The following ZMYM3 variants were observed in gnomAD, a reference collection of about 807,000 sequenced individuals.
ZMYM3 encodes the protein zinc finger MYM-type protein 3.
ZMYM3 carries 6 observed loss-of-function variants against 94.2 expected under a neutral mutation model. The ratio of observed to expected loss-of-function variants is 0.06; its 90% CI spans 0.03 to 0.13. ZMYM3 has a LOEUF of 0.13. ZMYM3 is among the 10% of genes least tolerant of loss of function. The pLI is 1.00. For missense variants in ZMYM3, 664 were observed against 1,132.6 expected (o/e 0.59, Z 5.94); for synonymous variants, 420 against 426.5 (o/e 0.98, Z 0.19).
In ZMYM3 at chrX:71,243,043, G is replaced by A. The variant is rs745825677; in HGVS notation, c.3474C>T (p.Asp1158=). ...CTTGAACAAAAGTCAGGTAGTAAAG[G>A]TCCGTGAAAATGTTCACCATCCGGT... ...ENNRMVNIFT[D]LYYLTFVQEL... Residue 1158 remains aspartate, a synonymous_variant, in exon 22 of 25, where the codon GAC becomes GAT. Transcript: ENST00000314425. The A allele has an allele frequency of 8.3e-7, 1 of 1,211,577 alleles. No homozygotes were observed. The highest frequency in any genetic ancestry group is 1.1e-6 in the Non-Finnish European group (1 of 895,437).
At chrX:71,241,503 G>A (rs1264454922) in intron 23 of ZMYM3, among the ~76,000 whole-genome samples, 159 bp from the exon 24 acceptor site, 1 of 110,834 alleles carries the variant, frequency 9.0e-6, no homozygotes, top group Non-Finnish European at 1.9e-5. Context: ...CCTCTCCCAC[G>A]CCAACCCAAC....
chrX:71,253,846 C>T (rs1489689726), intron 1 of ZMYM3, among the ~76,000 whole-genome samples, 183 bp downstream of exon 1: 1 of 87,410 alleles, frequency 1.1e-5, no homozygotes, highest in Non-Finnish European at 2.2e-5. Flanking sequence ...TCCTCAGCCC[C>T]GTCCCCCTTT....
chrX:71,250,601 G>A lies in ZMYM3; in HGVS notation c.904C>T (p.Arg302Cys). 2.5e-6 allele frequency: 3 copies of A among 1,211,597 alleles called. No homozygotes were observed. The highest frequency in any genetic ancestry group is 1.8e-5 in the South Asian group (1 of 56,848). The change falls in exon 5 of 25, where the codon CGC becomes TGC. Residue 302 changes from arginine to cysteine, a missense_variant. Coordinates refer to ENST00000314425, the MANE Select transcript of ZMYM3 (RefSeq NM_201599.3). Reference sequence around the variant, plus strand: ...GTCATCTTGGTGCCCACTGCAGAGCGCCCGGCCCTTTGTGACACACTTGAG... The same window carrying A: ...GTCATCTTGGTGCCCACTGCAGAGCACCCGGCCCTTTGTGACACACTTGAG... ...LRSSVSQRAGRSAVGTKMTCA... is the reference protein window; with the variant it reads ...LRSSVSQRAGCSAVGTKMTCA...
Position 71,249,153 on chromosome X carries a change from T to G in ZMYM3, c.1487A>C (p.Tyr496Ser), listed in dbSNP as rs765911044. ...CAGGGTCTTGCACCAGACACATGGG[T>G]ACACACGTGTGTTTTTCTGTGAGGA... Reference protein sequence around the residue: ...GAYKKKNTRVYPCVWCKTLCK... With the variant: ...GAYKKKNTRVSPCVWCKTLCK... Residue 496 changes from tyrosine (Y) to serine (S), a missense_variant, in exon 8 of 25, where the codon TAC becomes TCC. Physicochemically the swap from Tyr to Ser is moderately radical, Grantham distance 144. Around this residue, in one of 9 missense-constraint regions of ZMYM3, gnomAD observed 159 missense variants for 313.0 expected, o/e 0.51. Coordinates refer to ENST00000314425, the MANE Select transcript of ZMYM3 (RefSeq NM_201599.3). 8.3e-7 allele frequency: 1 copy of G among 1,211,799 alleles called. No individual in the cohort carries two copies.
Position 71,241,327 on chromosome X carries a change from G to A in ZMYM3, c.3820C>T (p.Arg1274Trp), listed in dbSNP as rs759700551. ...RKGRDTGPGK[R>W]KREDEAPILE... ...ATAGGGGCTTCATCTTCTCTCTTCC[G>A]TTTTCCAGGACCCGTGTCTATAGGG... The change falls in exon 24 of 25, where the codon CGG becomes TGG. Residue 1274 changes from arginine (R) to tryptophan (W), a missense_variant. Physicochemically the swap from Arg to Trp is moderately radical, Grantham distance 101. Transcript: ENST00000314425. The A allele has an allele frequency of 8.3e-7, 1 of 1,200,028 alleles. No homozygotes were observed. The highest frequency in any genetic ancestry group is 1.1e-6 in the Non-Finnish European group (1 of 889,204).
chrX:71,241,368 G>C, intron 23 of ZMYM3, 24 bp from the exon 24 acceptor site: 7 of 1,125,009 alleles, frequency 6.2e-6, no homozygotes, highest in Non-Finnish European at 8.3e-6. Flanking sequence ...AAATGATTCA[G>C]ACTCATTAAG....
chrX:71,248,466 C>T lies in ZMYM3; in HGVS notation c.1796G>A (p.Ser599Asn). The change falls in exon 10 of 25, where the codon AGT becomes AAT. Residue 599 changes from serine to asparagine, a missense_variant. This residue lies in a region of ZMYM3 where 159 missense variants were observed against 313.0 expected (regional missense o/e 0.51). Transcript: ENST00000314425. ...CCAGTCCAAGACCTCAGGCTTGCCA[C>T]TGAAGAGGCTGTGACAGTAGTGACA... is the stretch of plus-strand genomic sequence containing the variant. ...LSCHYCHSLFSGKPEVLDWQD... is the reference protein window; with the variant it reads ...LSCHYCHSLFNGKPEVLDWQD... 8.3e-7 allele frequency: 1 copy of T among 1,210,938 alleles called. No homozygotes were observed. Among genetic ancestry groups the T allele is most frequent in the Non-Finnish European group, 1.1e-6 (1 of 895,042 alleles).
rs995778480 is a variant in ZMYM3 at position 71,242,546 on chromosome X, T to C, written c.3548-122A>G. ...TCTCATTTGGTGAGTAACCTTTGTA[T>C]ATAAAACACTGTCACTTCGCTACAC... On this transcript the variant is annotated intron_variant, in intron 22 of 24. Transcript: ENST00000314425. The C allele has an allele frequency of 3.3e-6, 3 of 917,687 alleles. No individual in the cohort carries two copies. The African/African-American group carries it at 5.9e-5, about 18-fold the overall frequency. The allele number at this position is 917,687 out of a possible 1,213,427, so 75.6% of individuals were successfully genotyped here.
chrX:71,253,572 A>G (rs1316705839), intron 1 of ZMYM3, among the ~76,000 whole-genome samples: 1 of 44,941 alleles, frequency 2.2e-5, no homozygotes, highest in African/African-American at 9.5e-5. Flanking sequence ...TTCCCCCCTT[A>G]CCTTTTACCC....
chrX:71,244,510 G>T, intron 19 of ZMYM3, 40 bp from the exon 20 acceptor site: 1 of 1,192,866 alleles, frequency 8.4e-7, no homozygotes. Flanking sequence ...CAGAGGTAAG[G>T]CCAGAGGCAA....
At chrX:71,251,533 C>A (rs1459536543) in intron 3 of ZMYM3, 25 bp downstream of exon 3, 5 of 1,180,126 alleles carry the variant, frequency 4.2e-6, no homozygotes, top group Non-Finnish European at 5.7e-6. Flanking sequence ...GGGAACCAGA[C>A]TCCTTCCAAT....
Position 71,244,854 on chromosome X carries a change from T to C in ZMYM3, c.3047A>G (p.Asp1016Gly), listed in dbSNP as rs781563578. The C allele has an allele frequency of 8.3e-7, 1 of 1,207,301 alleles. No homozygotes were observed. The highest frequency in any genetic ancestry group is 1.8e-5 in the South Asian group (1 of 56,390). The change falls in exon 19 of 25, where the codon GAT (aspartate) becomes GGT (glycine). Residue 1016 changes from aspartate (D) to glycine (G), a missense_variant. Around this residue, in one of 9 missense-constraint regions of ZMYM3, gnomAD observed 75 missense variants for 152.5 expected, o/e 0.49. Transcript: ENST00000314425. ...DINPSVDFLF[D>G]CGLVGPEDVS... ...ATCCTCAGGCCCTACCAGGCCACAA[T>C]CAAAGAGGAAGTCTACACTGGGATT...
intron 23 of ZMYM3, 68 bp from the exon 24 acceptor site, chrX:71,241,412 A>G (rs2029939693): frequency 2.3e-6 from 2 of 859,075 alleles, no homozygotes; most frequent in South Asian, 6.1e-5. Context: ...CCAAGAGCAC[A>G]GTTCAGGGCA....
intron 3 of ZMYM3, 106 bp downstream of exon 3, chrX:71,251,452 C>T: frequency 9.5e-7 from 1 of 1,053,174 alleles, no homozygotes; most frequent in East Asian, 3.3e-5. Flanking sequence ...TCCTAACTCT[C>T]CTTACACACA....
chrX:71,252,258 C>T (rs1294718402), intron 2 of ZMYM3, among the ~76,000 whole-genome samples: 1 of 111,136 alleles, frequency 9.0e-6, no homozygotes, highest in Non-Finnish European at 1.9e-5. Flanking sequence ...CTGGTGTACT[C>T]CCCCAAATCC....
Position 71,252,999 on chromosome X carries a change from A to T in ZMYM3, c.257T>A (p.Leu86His). 8.3e-7 allele frequency: 1 copy of T among 1,206,827 alleles called. No individual in the cohort carries two copies. Among genetic ancestry groups the T allele is most frequent in the Non-Finnish European group, 1.1e-6 (1 of 893,468 alleles). ...ATELLGLGGL[L>H]YKAPSPPEVD... ...CTCCGGGGGAGAGGGGGCTTTATAG[A>T]GCAGCCCCCCCAGCCCCAGCAACTC... Residue 86 changes from leucine (L) to histidine (H), a missense_variant, in exon 2 of 25, where the codon CTC becomes CAC. By Grantham distance (99) the Leu-to-His change is moderately conservative (BLOSUM62 -3). This residue lies in a region of ZMYM3 where 196 missense variants were observed against 190.8 expected (regional missense o/e 1.03). Coordinates refer to ENST00000314425, the MANE Select transcript of ZMYM3 (RefSeq NM_201599.3).
At position 71,244,411 on chromosome X, in the gene ZMYM3, A is replaced by G. The variant is rs1398351803; in HGVS notation, c.3171T>C (p.Pro1057=). 1 of 1,211,968 alleles carries G rather than the reference A, an allele frequency of 8.3e-7. No homozygotes were observed. Among genetic ancestry groups the G allele is most frequent in the Admixed American group, 2.2e-5 (1 of 46,049 alleles). ...ATGAATAGTTGAGCCCGGTACAACT[A>G]GGCTGACTGCTCATGGAGTCCCGGG... is the stretch of plus-strand genomic sequence containing the variant. The part of the protein sequence containing the change: ...SCSRDSMSSQ[P]SCTGLNYSYG... The change falls in exon 20 of 25, where the codon CCT becomes CCC. Residue 1057 remains proline, a synonymous_variant. Coordinates refer to ENST00000314425, the MANE Select transcript of ZMYM3 (RefSeq NM_201599.3).
rs780219532 is a variant in ZMYM3, at chrX:71,247,472, C to A, written c.2187G>T (p.Leu729=). 3 of 1,211,548 alleles carry A rather than the reference C, an allele frequency of 2.5e-6. No homozygotes were observed. Among genetic ancestry groups the A allele is most frequent in the Non-Finnish European group, 2.2e-6 (2 of 895,246 alleles). ...GCCCACGCCAGTGGATGGTCTCCAG[C>A]AGCTTCCCCTGGCGCTTACACGCAT... The part of the protein sequence containing the change: ...RCHACKRQGK[L]LETIHWRGQI... Residue 729 remains leucine, a synonymous_variant, in exon 13 of 25, where the codon CTG becomes CTT. Coordinates refer to ENST00000314425, the MANE Select transcript of ZMYM3 (RefSeq NM_201599.3).
In ZMYM3 at chrX:71,248,010, C is replaced by T. The variant is rs2030261781; in HGVS notation, c.1976-104G>A. The T allele has an allele frequency of 2.8e-6, 3 of 1,084,735 alleles. No individual in the cohort carries two copies. In the East Asian group the frequency reaches 9.9e-5, roughly 36 times the overall value. The allele number at this position is 1,084,735 out of a possible 1,213,427, so 89.4% of individuals were successfully genotyped here. On this transcript the variant is annotated intron_variant, in intron 11 of 24. Coordinates refer to ENST00000314425, the MANE Select transcript of ZMYM3 (RefSeq NM_201599.3). The stretch of plus-strand genomic sequence containing the variant: ...ATACCTGAAACCTCTCTCTAAGCAG[C>T]CCCTTGTGCCCAAAACTTTAGGGGA...
Sources: allele counts gnomAD v4.1 joint callset (sites outside exome capture counted in the v4.1 genomes callset), GRCh38; gene constraint gnomAD v4.1.1; regional missense constraint gnomAD v4.1.1; transcripts MANE v1.5; gene names NCBI Gene and HGNC (gene_info 2026-07-23, HGNC 2026-07-21).